ZFPM2: variants seen among roughly 807,000 people sequenced by gnomAD.
ZFPM2 encodes the protein zinc finger protein, FOG family member 2, also known as zinc finger protein ZFPM2.
In ZFPM2, 20 loss-of-function variants were observed where a neutral mutation model predicts 98.6. That is an observed-to-expected ratio of 0.20 (90% CI 0.14 to 0.29). The LOEUF (loss-of-function observed/expected upper bound fraction) is 0.29. ZFPM2 is among the 10% of genes least tolerant of loss of function. The probability of loss-of-function intolerance (pLI) is 1.00; values close to 1 mark genes in which losing one functional copy is unlikely to be tolerated. For synonymous variants in ZFPM2, 518 were observed against 502.7 expected (o/e 1.03, Z -0.41); for missense variants, 1,310 against 1,388.6 (o/e 0.94, Z 0.90).
At chr8:105,495,023 A>G (rs1041822469) in intron 3 of ZFPM2, among the ~76,000 whole-genome samples, 160 of 152,338 alleles carry the variant, frequency 1.1e-3, no homozygotes, top group African/African-American at 3.5e-3. Context: ...CTATTTAAAC[A>G]TATAAAAACT....
chr8:105,455,700 A>G lies in ZFPM2; in HGVS notation c.301+11319A>G, dbSNP rs111625024. The stretch of plus-strand genomic sequence containing the variant: ...CAGTGGCTTGTAGAGAGCACTTTAT[A>G]TATTTGTTAGTGTCATTATATGTGG... On this transcript the variant is annotated intron_variant, in intron 3 of 7. Coordinates refer to ENST00000407775, the MANE Select transcript of ZFPM2 (RefSeq NM_012082.4). 3.5e-3 allele frequency among the ~76,000 whole-genome samples: 531 copies of G among 152,270 alleles called. 4 individuals carry two copies. Among genetic ancestry groups the G allele is most frequent in the South Asian group, 7.5e-3 (36 of 4,824 alleles).
chr8:105,335,340 A>T (rs1221488675), intron 1 of ZFPM2, among the ~76,000 whole-genome samples: 1 of 151,732 alleles, frequency 6.6e-6, no homozygotes, highest in East Asian at 1.9e-4. Context: ...GATTCTGAAC[A>T]ACCTAGGTAG....
At chr8:105,465,398 T>G (rs1460698595) in intron 3 of ZFPM2, among the ~76,000 whole-genome samples, 2 of 151,972 alleles carry the variant, frequency 1.3e-5, no homozygotes, top group Admixed American at 6.6e-5. Flanking sequence ...TAACTGTCTA[T>G]ATATATGATA....
chr8:105,465,606 A>G (rs1365547633), intron 3 of ZFPM2, among the ~76,000 whole-genome samples: 1 of 152,000 alleles, frequency 6.6e-6, no homozygotes. Context: ...TGAGCTACAT[A>G]GTAACATAAT....
chr8:105,709,911 G>A (rs1409577456), intron 5 of ZFPM2, among the ~76,000 whole-genome samples: 4 of 152,060 alleles, frequency 2.6e-5, no homozygotes, highest in Admixed American at 2.6e-4. Flanking sequence ...CTACATCTAA[G>A]CATTGCACAA....
intron 4 of ZFPM2, among the ~76,000 whole-genome samples, chr8:105,589,595 C>T (rs1170396413): frequency 6.6e-6 from 1 of 152,022 alleles, no homozygotes; most frequent in East Asian, 1.9e-4. Context: ...TACATTTGAC[C>T]ATCTCTATTA....
intron 2 of ZFPM2, among the ~76,000 whole-genome samples, chr8:105,441,433 A>AG (rs1491558558): frequency 1.1e-4 from 13 of 115,370 alleles, no homozygotes; most frequent in African/African-American, 4.6e-4. Flanking sequence ...AGAAAGAAAG[A>AG]AAGAGAGAGA....
intron 3 of ZFPM2, among the ~76,000 whole-genome samples, chr8:105,510,706 C>T (rs1379456695): frequency 6.6e-6 from 1 of 150,492 alleles, no homozygotes; most frequent in Non-Finnish European, 1.5e-5. Flanking sequence ...TTCAAGTCAA[C>T]AGTTGTTTCA....
chr8:105,700,254 C>T (rs1396803750), intron 5 of ZFPM2, among the ~76,000 whole-genome samples: 2 of 152,118 alleles, frequency 1.3e-5, no homozygotes, highest in African/African-American at 4.8e-5. Flanking sequence ...TTATTTTATC[C>T]GTATTCAGTG....
At chr8:105,524,731 A>T (rs1466435819) in intron 3 of ZFPM2, among the ~76,000 whole-genome samples, 1 of 152,052 alleles carries the variant, frequency 6.6e-6, no homozygotes, top group Non-Finnish European at 1.5e-5. Context: ...ACTGGCTGTG[A>T]CCTGGAGGGT....
chr8:105,753,861 A>G (rs560348469), intron 5 of ZFPM2, among the ~76,000 whole-genome samples: 1 of 152,272 alleles, frequency 6.6e-6, no homozygotes, highest in Admixed American at 6.5e-5. Flanking sequence ...GTCATTCTTT[A>G]AGTGAGGATT....
At chr8:105,405,477 T>G (rs1378326302) in intron 1 of ZFPM2, among the ~76,000 whole-genome samples, 5 of 139,282 alleles carry the variant, frequency 3.6e-5, no homozygotes. Flanking sequence ...CCCCTTCCTG[T>G]GTCCATGTGG....
At chr8:105,476,428 C>T (rs1301627067) in intron 3 of ZFPM2, among the ~76,000 whole-genome samples, 2 of 152,198 alleles carry the variant, frequency 1.3e-5, no homozygotes, top group Non-Finnish European at 2.9e-5. Context: ...GCCTGATGAT[C>T]TAAGGTGGAA....
chr8:105,693,625 T>C (rs1650680562), intron 5 of ZFPM2, among the ~76,000 whole-genome samples: 1 of 152,236 alleles, frequency 6.6e-6, no homozygotes, highest in South Asian at 2.1e-4. Flanking sequence ...CTAATTTTGT[T>C]ATCCATTTTA....
chr8:105,769,570 A>G (rs925446399), intron 5 of ZFPM2, among the ~76,000 whole-genome samples: 1 of 151,950 alleles, frequency 6.6e-6, no homozygotes, highest in Non-Finnish European at 1.5e-5. Context: ...TTCTCACTTT[A>G]CTATCATTTT....
intron 5 of ZFPM2, among the ~76,000 whole-genome samples, chr8:105,682,075 C>T (rs1417866920): frequency 6.6e-6 from 1 of 152,110 alleles, no homozygotes; most frequent in Non-Finnish European, 1.5e-5. Context: ...TCACAAATGA[C>T]GTACAAGAAT....
intron 1 of ZFPM2, among the ~76,000 whole-genome samples, chr8:105,324,510 C>T (rs1244888817): frequency 6.6e-6 from 1 of 151,764 alleles, no homozygotes; most frequent in Non-Finnish European, 1.5e-5. Flanking sequence ...AGCCATTTCA[C>T]TATTAGTTGT....
At chr8:105,584,461 A>T (rs1398866325) in intron 4 of ZFPM2, among the ~76,000 whole-genome samples, 1 of 152,128 alleles carries the variant, frequency 6.6e-6, no homozygotes, top group Non-Finnish European at 1.5e-5. Flanking sequence ...CCTGTGTATC[A>T]ATTTCTTTTT....
intron 4 of ZFPM2, among the ~76,000 whole-genome samples, chr8:105,613,005 C>T (rs1184499394): frequency 6.6e-6 from 1 of 152,158 alleles, no homozygotes; most frequent in Admixed American, 6.5e-5. Context: ...GTGATCTTTA[C>T]AACACTCAGG....
Sources: gnomAD v4.1 joint callset for allele counts (sites outside exome capture counted in the v4.1 genomes callset) on GRCh38, gnomAD v4.1.1 for gene constraint, MANE v1.5 for transcripts, NCBI Gene and HGNC (gene_info 2026-07-23, HGNC 2026-07-21) for gene names.